The following SEC61B variants were observed in gnomAD, a reference collection of about 807,000 sequenced individuals.
SEC61B encodes the protein protein transport protein Sec61 subunit beta.
SEC61B carries 7 observed loss-of-function variants against 12.6 expected under a neutral mutation model. The observed-to-expected ratio is 0.55, with a 90% CI of 0.32 to 1.04. The LOEUF is 1.04. Among genes scored for constraint, SEC61B ranks in the 50% least tolerant of loss-of-function variants. The pLI is 0.05. For missense variants in SEC61B, 107 were observed against 130.1 expected (o/e 0.82, Z 0.86); for synonymous variants, 54 against 50.1 (o/e 1.08, Z -0.33).
At position 99,222,344 on chromosome 9, in the gene SEC61B, T is replaced by G; in HGVS notation, c.-20T>G. On this transcript the variant is annotated 5_prime_UTR_variant, in exon 1 of 4. Transcript: ENST00000223641. Reference sequence around the variant, plus strand: ...CTTTCTATCCGTCCGCGTCAGCGCCTTGCCACCCTCATCTCCAATATGGTA... The same window carrying G: ...CTTTCTATCCGTCCGCGTCAGCGCCGTGCCACCCTCATCTCCAATATGGTA... The G allele has an allele frequency of 6.2e-7, 1 of 1,614,186 alleles. No homozygotes were observed. The highest frequency in any genetic ancestry group is 8.5e-7 in the Non-Finnish European group (1 of 1,180,024).
At position 99,222,352 on chromosome 9, in the gene SEC61B, C is replaced by G; in HGVS notation, c.-12C>G. 1.2e-6 allele frequency: 2 copies of G among 1,614,218 alleles called. No homozygotes were observed. Among genetic ancestry groups the G allele is most frequent in the South Asian group, 2.2e-5 (2 of 91,086 alleles). On this transcript the variant is annotated 5_prime_UTR_variant, in exon 1 of 4. Coordinates refer to ENST00000223641, the MANE Select transcript of SEC61B (RefSeq NM_006808.3). ...CCGTCCGCGTCAGCGCCTTGCCACC[C>G]TCATCTCCAATATGGTATGGCGGCC...
rs1828949466 is a variant in SEC61B at position 99,230,575 on chromosome 9, A to G, written c.*151A>G. On this transcript the variant is annotated 3_prime_UTR_variant, in exon 4 of 4. Transcript: ENST00000223641. ...TATCAATAATTGATTTTGAGGAATC[A>G]GTTTTTTTCTATGGCTAATAAACTT... 6 of 600,582 alleles carry G rather than the reference A, an allele frequency of 1.0e-5. No individual in the cohort carries two copies. The highest frequency in any genetic ancestry group is 1.5e-5 in the Non-Finnish European group (5 of 342,152). 37.2% of individuals were successfully genotyped at this position (600,582 alleles called of 1,614,324 possible).
In SEC61B at chr9:99,222,663, GTTCGC is replaced by G. The variant is rs750341176; in HGVS notation, c.101+24_101+28del. On this transcript the variant is annotated intron_variant, in intron 2 of 3. Coordinates refer to ENST00000223641, the MANE Select transcript of SEC61B (RefSeq NM_006808.3). ...GCAGAGGTAAGGAACCCTGCAGTTCGTTCGCTTCCAGACTCGGAGATAGGACCCAG... is the reference window on the plus strand; with the variant it reads ...GCAGAGGTAAGGAACCCTGCAGTTCGTTCCAGACTCGGAGATAGGACCCAG... 1.3e-6 allele frequency: 2 copies of G among 1,482,572 alleles called. No homozygotes were observed. The highest frequency in any genetic ancestry group is 2.6e-5 in the South Asian group (2 of 78,336). 91.8% of individuals were successfully genotyped at this position (1,482,572 alleles called of 1,614,324 possible).
intron 3 of SEC61B, among the ~76,000 whole-genome samples, chr9:99,228,900 G>C (rs781583554): frequency 3.9e-5 from 6 of 152,106 alleles, no homozygotes; most frequent in Non-Finnish European, 7.4e-5. Context: ...TGGATATTCT[G>C]ATTAAGTCCT....
intron 2 of SEC61B, 48 bp downstream of exon 2, chr9:99,222,691 C>G (rs1828844093): frequency 2.3e-6 from 3 of 1,287,488 alleles, no homozygotes. Context: ...AGATAGGACC[C>G]AGAACCTCGC....
chr9:99,228,134 G>A lies in SEC61B; in HGVS notation c.203+134G>A, dbSNP rs891562956. On this transcript the variant is annotated intron_variant, in intron 3 of 3. Coordinates refer to ENST00000223641, the MANE Select transcript of SEC61B (RefSeq NM_006808.3). ...CACAACAGCCTCATTTGTGCCAGGC[G>A]GACTGGGTTTGGTTTGCCTGTTTAT... 4.2e-5 allele frequency: 27 copies of A among 649,476 alleles called. No individual in the cohort carries two copies. The Admixed American group carries it at 5.7e-4, about 14-fold the overall frequency. 40.2% of individuals were successfully genotyped at this position (649,476 alleles called of 1,614,324 possible).
At chr9:99,227,343 A>C (rs1282368744) in intron 2 of SEC61B, among the ~76,000 whole-genome samples, 1 of 151,356 alleles carries the variant, frequency 6.6e-6, no homozygotes, top group Non-Finnish European at 1.5e-5. Flanking sequence ...TGTATACTCT[A>C]TCTTGGGCCC....
Position 99,222,599 on chromosome 9 carries a change from C to T in SEC61B, c.57C>T (p.Ser19=). The change falls in exon 2 of 4, where the codon AGC becomes AGT. Residue 19 remains serine, a synonymous_variant. Coordinates refer to ENST00000223641, the MANE Select transcript of SEC61B (RefSeq NM_006808.3). ...TGGGATCCTCAGGGCGCTCTCCCAG[C>T]AAAGCAGTGGCCGCCCGGGCGGCGG... is the stretch of plus-strand genomic sequence containing the variant. ...TNVGSSGRSP[S]KAVAARAAGS... 1.9e-6 allele frequency: 3 copies of T among 1,556,932 alleles called. No individual in the cohort carries two copies. Among genetic ancestry groups the T allele is most frequent in the Non-Finnish European group, 2.6e-6 (3 of 1,150,372 alleles).
chr9:99,228,738 T>C (rs899068775), intron 3 of SEC61B, among the ~76,000 whole-genome samples: 2 of 152,234 alleles, frequency 1.3e-5, no homozygotes, highest in African/African-American at 4.8e-5. Flanking sequence ...ACATAGCACT[T>C]TGTACTTTGC....
At position 99,227,912 on chromosome 9, in the gene SEC61B, T is replaced by A; in HGVS notation, c.115T>A (p.Cys39Ser). The change falls in exon 3 of 4, where the codon TGT becomes AGT. Residue 39 changes from cysteine (C) to serine (S), a missense_variant. Transcript: ENST00000223641. ...STVRQRKNAS[C>S]GTRSAGRTTS... ...CCTCTCTTTCAGGAAAAATGCCAGCTGTGGGACAAGGAGTGCAGGCCGCAC... is the reference window on the plus strand; with the variant it reads ...CCTCTCTTTCAGGAAAAATGCCAGCAGTGGGACAAGGAGTGCAGGCCGCAC... The A allele has an allele frequency of 6.2e-7, 1 of 1,614,068 alleles. No individual in the cohort carries two copies. The highest frequency in any genetic ancestry group is 1.1e-5 in the South Asian group (1 of 91,066).
intron 2 of SEC61B, among the ~76,000 whole-genome samples, chr9:99,227,501 A>G (rs144494878): frequency 6.0e-4 from 92 of 152,296 alleles, no homozygotes; most frequent in African/African-American, 2.1e-3. Flanking sequence ...TTCATGAAAG[A>G]TGCATGTGAG....
At position 99,222,312 on chromosome 9, in the gene SEC61B, T is replaced by C; in HGVS notation, c.-52T>C. 1.9e-6 allele frequency: 3 copies of C among 1,613,912 alleles called. No individual in the cohort carries two copies. The highest frequency in any genetic ancestry group is 2.5e-6 in the Non-Finnish European group (3 of 1,179,884). On this transcript the variant is annotated 5_prime_UTR_variant, in exon 1 of 4. Coordinates refer to ENST00000223641, the MANE Select transcript of SEC61B (RefSeq NM_006808.3). ...CGCCAGCTGCCGGTCTTTCGGGGGCTCCGTAACTTTCTATCCGTCCGCGTC... is the reference window on the plus strand; with the variant it reads ...CGCCAGCTGCCGGTCTTTCGGGGGCCCCGTAACTTTCTATCCGTCCGCGTC...
intron 2 of SEC61B, among the ~76,000 whole-genome samples, chr9:99,227,265 C>CAAAAAA (rs59719935): frequency 2.8e-4 from 3 of 10,734 alleles, no homozygotes; most frequent in African/African-American, 6.5e-4. Flanking sequence ...AACTCCATCT[C>CAAAAAA]AAAAAAAAAA....
chr9:99,223,206 A>C (rs1380177337), intron 2 of SEC61B: 1 of 151,584 alleles, frequency 6.6e-6, no homozygotes, highest in Admixed American at 6.6e-5. Flanking sequence ...TTCCCTTTCT[A>C]CTGCTTTGCA....
chr9:99,229,035 T>C (rs1057316981), intron 3 of SEC61B, among the ~76,000 whole-genome samples: 2 of 152,140 alleles, frequency 1.3e-5, no homozygotes, highest in Admixed American at 6.5e-5. Flanking sequence ...TTTGTAACTT[T>C]ACAAATTTGT....
At chr9:99,227,792 G>GTTTT in intron 2 of SEC61B, 107 bp from the exon 3 acceptor site, 1 of 653,028 alleles carries the variant, frequency 1.5e-6, no homozygotes, top group Non-Finnish European at 2.5e-6. Flanking sequence ...AGCAAAGAAA[G>GTTTT]TTTTTTTTTT....
intron 2 of SEC61B, among the ~76,000 whole-genome samples, chr9:99,227,415 C>T (rs7847632): frequency 6.6e-6 from 1 of 151,534 alleles, no homozygotes; most frequent in African/African-American, 2.4e-5. Flanking sequence ...TTTTAAAATA[C>T]ATCTTTTAAA....
chr9:99,228,589 C>T (rs1267272780), intron 3 of SEC61B, among the ~76,000 whole-genome samples: 3 of 152,210 alleles, frequency 2.0e-5, no homozygotes, highest in Admixed American at 1.3e-4. Context: ...GTCCCCATGC[C>T]TTGCTCAGGG....
rs548575639 is a variant in SEC61B at position 99,227,485 on chromosome 9, T to A, written c.102-414T>A. Among the ~76,000 whole-genome samples the A allele has an allele frequency of 1.6e-3, 248 of 152,278 alleles. 2 individuals are homozygous for A. Among genetic ancestry groups the A allele is most frequent in the Non-Finnish European group, 1.7e-3 (119 of 68,028 alleles). Reference sequence around the variant, plus strand: ...GGCATTTTAAAACAGGAATTTATTATTTGGCTTCATGAAAGATGCATGTGA... The same window carrying A: ...GGCATTTTAAAACAGGAATTTATTAATTGGCTTCATGAAAGATGCATGTGA... On this transcript the variant is annotated intron_variant, in intron 2 of 3. Transcript: ENST00000223641.
Sources: gnomAD v4.1 joint callset for allele counts (sites outside exome capture counted in the v4.1 genomes callset) on GRCh38, gnomAD v4.1.1 for gene constraint, MANE v1.5 for transcripts, NCBI Gene and HGNC (gene_info 2026-07-23, HGNC 2026-07-21) for gene names.